Variants in TRPC4 observed in about 807,000 individuals in gnomAD.
The protein encoded by TRPC4 is transient receptor potential cation channel subfamily C member 4.
Under a neutral mutation model 99.4 loss-of-function variants are expected in TRPC4, and 49 were observed. The observed-to-expected ratio is 0.49, with a 90% CI of 0.39 to 0.63. TRPC4 has a LOEUF of 0.63. TRPC4 is among the 20% of genes least tolerant of loss of function. The pLI, the probability that TRPC4 is intolerant of heterozygous loss-of-function variation, is 0.00. For synonymous variants in TRPC4, 454 were observed against 425.9 expected (o/e 1.07, Z -0.81); for missense variants, 898 against 1,152.9 (o/e 0.78, Z 3.20).
At chr13:37,835,403 T>C (rs550676057) in intron 1 of TRPC4, among the ~76,000 whole-genome samples, 25 of 152,332 alleles carry the variant, frequency 1.6e-4, no homozygotes, top group African/African-American at 4.6e-4. Flanking sequence ...GCAACACGCT[T>C]TACCTGCACT....
At chr13:37,769,319 A>T (rs1422397912) in intron 2 of TRPC4, among the ~76,000 whole-genome samples, 1 of 151,400 alleles carries the variant, frequency 6.6e-6, no homozygotes, top group African/African-American at 2.4e-5. Context: ...TCATTTATTA[A>T]AAAAAGATAG....
At chr13:37,832,863 T>C (rs983394274) in intron 1 of TRPC4, among the ~76,000 whole-genome samples, 8 of 152,192 alleles carry the variant, frequency 5.3e-5, no homozygotes, top group African/African-American at 1.9e-4. Flanking sequence ...AACTACAGTA[T>C]GTATCTATTG....
At chr13:37,686,876 C>A (rs533161093) in intron 4 of TRPC4, among the ~76,000 whole-genome samples, 1 of 152,134 alleles carries the variant, frequency 6.6e-6, no homozygotes, top group African/African-American at 2.4e-5. Context: ...AATGTCACGT[C>A]GCTTCAGCAG....
chr13:37,663,011 T>C (rs1049543812), intron 6 of TRPC4, among the ~76,000 whole-genome samples: 1 of 152,214 alleles, frequency 6.6e-6, no homozygotes, highest in Non-Finnish European at 1.5e-5. Flanking sequence ...CGGACTTTAG[T>C]ACCTGGAAAA....
At chr13:37,739,994 A>G (rs1423009510) in intron 3 of TRPC4, among the ~76,000 whole-genome samples, 2 of 152,164 alleles carry the variant, frequency 1.3e-5, no homozygotes, top group Non-Finnish European at 2.9e-5. Context: ...AACAATGGTC[A>G]GCTATGCCGT....
rs1411423559 is a variant in TRPC4 at position 37,637,584 on chromosome 13, C to T, written c.2253G>A (p.Leu751=). 1 of 1,603,080 alleles carries T rather than the reference C, an allele frequency of 6.2e-7. No homozygotes were observed. The highest frequency in any genetic ancestry group is 1.1e-5 in the South Asian group (1 of 88,930). ...QDISSFRFEV[L]GLLRGSKLST... Reference sequence around the variant, plus strand: ...AAAGTTTGCTTCCTCTTAGTAATCCCAGGACTTCAAAGCGGAAACTAGAAA... The same window carrying T: ...AAAGTTTGCTTCCTCTTAGTAATCCTAGGACTTCAAAGCGGAAACTAGAAA... Residue 751 remains leucine, a synonymous_variant, in exon 11 of 11, where the codon CTG becomes CTA. Coordinates refer to ENST00000379705, the MANE Select transcript of TRPC4 (RefSeq NM_016179.4).
At chr13:37,693,922 G>A (rs1953821456) in intron 3 of TRPC4, among the ~76,000 whole-genome samples, 1 of 152,088 alleles carries the variant, frequency 6.6e-6, no homozygotes, top group African/African-American at 2.4e-5. Context: ...ATCTTGTACG[G>A]CACTTACTTA....
intron 1 of TRPC4, among the ~76,000 whole-genome samples, chr13:37,844,082 C>T (rs1307171047): frequency 6.6e-6 from 1 of 152,166 alleles, no homozygotes; most frequent in Non-Finnish European, 1.5e-5. Flanking sequence ...AGACTGATAT[C>T]TGTCTCATCC....
chr13:37,658,248 A>G (rs1441316803), intron 6 of TRPC4, among the ~76,000 whole-genome samples: 1 of 152,230 alleles, frequency 6.6e-6, no homozygotes, highest in Non-Finnish European at 1.5e-5. Context: ...GACATTTAGT[A>G]TAAAACTTGG....
At chr13:37,659,114 T>C (rs1952345029) in intron 6 of TRPC4, among the ~76,000 whole-genome samples, 1 of 152,182 alleles carries the variant, frequency 6.6e-6, no homozygotes, top group Admixed American at 6.5e-5. Flanking sequence ...TGTTCGTCTC[T>C]TTCAAATAGC....
intron 1 of TRPC4, among the ~76,000 whole-genome samples, chr13:37,805,954 T>C (rs1957519798): frequency 6.6e-6 from 1 of 152,032 alleles, no homozygotes; most frequent in South Asian, 2.1e-4. Context: ...AATGTGTTTC[T>C]AAACAGAATT....
chr13:37,844,072 A>G (rs1958815542), intron 1 of TRPC4, among the ~76,000 whole-genome samples: 1 of 152,208 alleles, frequency 6.6e-6, no homozygotes, highest in Admixed American at 6.5e-5. Flanking sequence ...CCCTTTCAGG[A>G]GACTGATATC....
rs909227586 is a variant in TRPC4 at position 37,793,276 on chromosome 13, GC to G, written c.-27-9917del. 1.7e-4 allele frequency among the ~76,000 whole-genome samples: 26 copies of G among 152,204 alleles called. 1 individual carries two copies. The highest frequency in any genetic ancestry group is 1.6e-3 in the Admixed American group (25 of 15,272). On this transcript the variant is annotated intron_variant, in intron 1 of 10. Coordinates refer to ENST00000379705, the MANE Select transcript of TRPC4 (RefSeq NM_016179.4). ...GTGGAAGGCACCCTGTGCATACATA[GC>G]ATTTAAAAATTCTTTTTTTAAATTA... is the stretch of plus-strand genomic sequence containing the variant.
At chr13:37,714,549 C>A (rs1003515049) in intron 3 of TRPC4, among the ~76,000 whole-genome samples, 1 of 152,192 alleles carries the variant, frequency 6.6e-6, no homozygotes, top group Admixed American at 6.5e-5. Flanking sequence ...CTTTTAAAAG[C>A]TGCTTTTAGC....
intron 3 of TRPC4, among the ~76,000 whole-genome samples, chr13:37,718,761 G>A (rs950512486): frequency 6.6e-6 from 1 of 151,996 alleles, no homozygotes; most frequent in African/African-American, 2.4e-5. Flanking sequence ...ATTAAAATAA[G>A]CTAATAGAAC....
intron 1 of TRPC4, among the ~76,000 whole-genome samples, chr13:37,833,939 C>T (rs1958491555): frequency 6.6e-6 from 1 of 152,192 alleles, no homozygotes; most frequent in Non-Finnish European, 1.5e-5. Context: ...CAAGAAACTG[C>T]TATCAAGTGT....
At chr13:37,713,513 A>T (rs1251492654) in intron 3 of TRPC4, among the ~76,000 whole-genome samples, 1 of 152,128 alleles carries the variant, frequency 6.6e-6, no homozygotes, top group Admixed American at 6.6e-5. Flanking sequence ...TCATTATCTG[A>T]ATAACCAACA....
At chr13:37,808,928 A>G (rs771451128) in intron 1 of TRPC4, among the ~76,000 whole-genome samples, 41 of 152,110 alleles carry the variant, frequency 2.7e-4, no homozygotes, top group Admixed American at 3.9e-4. Flanking sequence ...AAGTGGCATG[A>G]AATTCCTACA....
At chr13:37,693,587 T>G (rs1420183127) in intron 3 of TRPC4, among the ~76,000 whole-genome samples, 1 of 152,234 alleles carries the variant, frequency 6.6e-6, no homozygotes, top group Non-Finnish European at 1.5e-5. Flanking sequence ...ACTTTTTCCT[T>G]TCTTTTTTCT....
Sources: gnomAD v4.1 joint callset for allele counts (sites outside exome capture counted in the v4.1 genomes callset) on GRCh38, gnomAD v4.1.1 for gene constraint, MANE v1.5 for transcripts, NCBI Gene and HGNC (gene_info 2026-07-23, HGNC 2026-07-21) for gene names.